PLOD2: variants seen among roughly 807,000 people sequenced by gnomAD.
PLOD2 encodes the protein procollagen-lysine,2-oxoglutarate 5-dioxygenase 2.
In PLOD2, 65 loss-of-function variants were observed where a neutral mutation model predicts 101.0. The observed-to-expected ratio is 0.64, with a 90% confidence interval of 0.53 to 0.79. PLOD2 has a LOEUF of 0.79. Ranked by LOEUF, PLOD2 falls within the 30% of genes least tolerant of loss-of-function variation. The pLI is 0.00. For missense variants in PLOD2, 909 were observed against 914.6 expected, an observed-to-expected ratio of 0.99 and a Z score of 0.08; for synonymous variants, 314 against 302.9, an observed-to-expected ratio of 1.04 and a Z score of -0.38.
At chr3:146,148,452 CAG>C (rs2031900718) in intron 1 of PLOD2, among the ~76,000 whole-genome samples, 1 of 151,346 alleles carries the variant, frequency 6.6e-6, no homozygotes, top group Non-Finnish European at 1.5e-5. Flanking sequence ...AAGAATAAAT[CAG>C]AGGAATGAGA....
At chr3:146,082,797 A>AT (rs1936608657) in intron 11 of PLOD2, among the ~76,000 whole-genome samples, 1 of 152,162 alleles carries the variant, frequency 6.6e-6, no homozygotes, top group Non-Finnish European at 1.5e-5. Context: ...CAAGAGGCTG[A>AT]CACAGGAGAA....
chr3:146,153,988 T>A (rs747920883), intron 1 of PLOD2, among the ~76,000 whole-genome samples: 1 of 152,136 alleles, frequency 6.6e-6, no homozygotes, highest in African/African-American at 2.4e-5. Flanking sequence ...CCAAATTAAA[T>A]GAGCAGATGA....
At position 146,091,948 on chromosome 3, in the gene PLOD2, G is replaced by A. The variant is rs368077667; in HGVS notation, c.778-47C>T. ...TATTAATGAAAGCAGGCCTCTCATC[G>A]GTGTGGTTTCATTCTATAATCATCT... On this transcript the variant is annotated intron_variant, in intron 7 of 19. Transcript: ENST00000282903. The A allele has an allele frequency of 1.6e-4, 153 of 982,724 alleles. 1 individual carries two copies. The African/African-American group carries it at 1.9e-3, about 12-fold the overall frequency. 60.9% of individuals were successfully genotyped at this position (982,724 alleles called of 1,614,324 possible).
chr3:146,124,210 A>G lies in PLOD2; in HGVS notation c.129T>C (p.Thr43=). 1 of 1,580,656 alleles carries G rather than the reference A, an allele frequency of 6.3e-7. No individual in the cohort carries two copies. Among genetic ancestry groups the G allele is most frequent in the Non-Finnish European group, 8.7e-7 (1 of 1,150,294 alleles). The change falls in exon 2 of 20, where the codon ACT becomes ACC. Residue 43 remains threonine (T), a synonymous_variant. Transcript: ENST00000282903. ...SIPTDKLLVI[T]VATKESDGFH... ...ATCCATCACTTTCTTTTGTTGCTAC[A>G]GTTATGACTAATAATTTATCTGCAA...
At chr3:146,110,222 A>G (rs956418047) in intron 4 of PLOD2, 63 bp downstream of exon 4, 3 of 1,402,498 alleles carry the variant, frequency 2.1e-6, no homozygotes, top group Non-Finnish European at 3.0e-6. Flanking sequence ...TACATCTACA[A>G]AAATGGTTGT....
intron 7 of PLOD2, among the ~76,000 whole-genome samples, chr3:146,098,558 T>C (rs1937281506): frequency 1.3e-5 from 2 of 152,092 alleles, no homozygotes; most frequent in Admixed American, 1.3e-4. Context: ...AAAACAGCTA[T>C]GAATTAAAAC....
intron 1 of PLOD2, among the ~76,000 whole-genome samples, chr3:146,152,016 C>T (rs1266093088): frequency 6.6e-6 from 1 of 152,132 alleles, no homozygotes; most frequent in African/African-American, 2.4e-5. Flanking sequence ...GCTAAATAAA[C>T]TAATGTAGAT....
At chr3:146,123,378 T>TTA (rs2030317170) in intron 2 of PLOD2, 1 of 525,708 alleles carries the variant, frequency 1.9e-6, no homozygotes, top group African/African-American at 2.1e-5. Flanking sequence ...CATAGCTGAG[T>TTA]TTAATAGTTC....
At chr3:146,071,659 T>G (rs1415633054) in intron 17 of PLOD2, among the ~76,000 whole-genome samples, 1 of 151,808 alleles carries the variant, frequency 6.6e-6, no homozygotes, top group Non-Finnish European at 1.5e-5. Flanking sequence ...TCCTACTTCT[T>G]AAATGTATAT....
rs1234344071 is a variant in PLOD2 at position 146,096,873 on chromosome 3, A to ACGGAGGCGG, written c.778-4973_778-4972insCCGCCTCCG. Among the ~76,000 whole-genome samples the ACGGAGGCGG allele has an allele frequency of 2.2e-4, 5 of 22,996 alleles. 1 individual carries two copies. The highest frequency in any genetic ancestry group is 9.1e-4 in the African/African-American group (4 of 4,410). The allele number at this position is 22,996 out of a possible 152,430, so 15.1% of individuals were successfully genotyped here. On this transcript the variant is annotated intron_variant, in intron 7 of 19. Transcript: ENST00000282903. Reference sequence around the variant, plus strand: ...TGCCCGGCCAGCTGCCCCGTCCGGGAGGGAGGTGGGGGGGGGGAGTCGGCC... The same window carrying ACGGAGGCGG: ...TGCCCGGCCAGCTGCCCCGTCCGGGACGGAGGCGGGGGAGGTGGGGGGGGGGAGTCGGCC...
At chr3:146,110,528 A>G (rs548205650) in intron 3 of PLOD2, 80 bp from the exon 4 acceptor site, 2 of 1,165,378 alleles carry the variant, frequency 1.7e-6, no homozygotes, top group African/African-American at 3.0e-5. Context: ...TTCTCTAACA[A>G]AAGTCAGAAT....
chr3:146,100,907 C>A (rs1414124450), intron 7 of PLOD2, among the ~76,000 whole-genome samples: 1 of 152,086 alleles, frequency 6.6e-6, no homozygotes, highest in East Asian at 1.9e-4. Context: ...TAGTTCCAGG[C>A]TGCTGGGGGT....
At chr3:146,092,908 T>C (rs908683569) in intron 7 of PLOD2, among the ~76,000 whole-genome samples, 12 of 152,154 alleles carry the variant, frequency 7.9e-5, no homozygotes, top group Non-Finnish European at 1.2e-4. Context: ...CTTTTTAAAT[T>C]TTCTTTCCAC....
chr3:146,144,983 T>C (rs535192124), intron 1 of PLOD2, among the ~76,000 whole-genome samples: 1 of 152,224 alleles, frequency 6.6e-6, no homozygotes, highest in Admixed American at 6.5e-5. Context: ...TAACCGAAAA[T>C]ACAACTCTTA....
At chr3:146,081,897 A>G in intron 11 of PLOD2, 34 bp from the exon 12 acceptor site, 1 of 1,572,480 alleles carries the variant, frequency 6.4e-7, no homozygotes, top group Non-Finnish European at 8.7e-7. Flanking sequence ...GAGAGAGAGA[A>G]ACCTATATAA....
In PLOD2 at chr3:146,071,263, G is replaced by A. The variant is rs985246226; in HGVS notation, c.1995+14C>T. ...TGGGTAAGAAATAGGCTGGAGGGGTGAGAGGATAACTACCTTCGTATAATA... is the reference window on the plus strand; with the variant it reads ...TGGGTAAGAAATAGGCTGGAGGGGTAAGAGGATAACTACCTTCGTATAATA... On this transcript the variant is annotated intron_variant, in intron 18 of 19. Transcript: ENST00000282903. The A allele has an allele frequency of 6.2e-7, 1 of 1,611,728 alleles. No homozygotes were observed. The highest frequency in any genetic ancestry group is 1.1e-5 in the South Asian group (1 of 91,042).
chr3:146,072,779 T>G, intron 16 of PLOD2, 114 bp from the exon 17 acceptor site: 1 of 712,916 alleles, frequency 1.4e-6, no homozygotes, highest in East Asian at 2.7e-5. Flanking sequence ...GGAAACATAG[T>G]TTTCTGTCAT....
intron 1 of PLOD2, among the ~76,000 whole-genome samples, chr3:146,135,199 A>C (rs2031162333): frequency 6.6e-6 from 1 of 152,194 alleles, no homozygotes; most frequent in Non-Finnish European, 1.5e-5. Flanking sequence ...TGAAAGTTTT[A>C]TAGCATCAGT....
At chr3:146,109,777 A>G (rs762364714) in intron 4 of PLOD2, among the ~76,000 whole-genome samples, 2 of 152,236 alleles carry the variant, frequency 1.3e-5, no homozygotes, top group Non-Finnish European at 2.9e-5. Flanking sequence ...CAATATTTTA[A>G]GTATACCCAG....
Sources: allele counts gnomAD v4.1 joint callset (sites outside exome capture counted in the v4.1 genomes callset), GRCh38; gene constraint gnomAD v4.1.1; transcripts MANE v1.5; gene names NCBI Gene and HGNC (gene_info 2026-07-23, HGNC 2026-07-21).